SMARCA4: variants seen among roughly 807,000 people sequenced by gnomAD.
The protein encoded by SMARCA4 is SWI/SNF related BAF chromatin remodeling complex subunit ATPase 4, also known as SWI/SNF-related matrix-associated actin-dependent regulator of chromatin subfamily A member 4.
In SMARCA4, 31 loss-of-function variants were observed where a neutral mutation model predicts 193.9. The observed-to-expected ratio is 0.16, with a 90% CI of 0.12 to 0.22. The LOEUF is 0.22. Among genes scored for constraint, SMARCA4 ranks in the 10% least tolerant of loss-of-function variants. The probability of loss-of-function intolerance (pLI) is 1.00; values close to 1 mark genes in which losing one functional copy is unlikely to be tolerated. For missense variants in SMARCA4, 1,148 were observed against 2,296.0 expected (o/e 0.50, Z 10.22); for synonymous variants, 942 against 933.1 (o/e 1.01, Z -0.17).
intron 34 of SMARCA4, among the ~76,000 whole-genome samples, chr19:11,061,548 T>G (rs1254591089): frequency 3.3e-5 from 5 of 152,142 alleles, no homozygotes; most frequent in Admixed American, 3.3e-4. Flanking sequence ...GCTAATTTTT[T>G]GTATTTTTTA....
chr19:10,979,253 C>T (rs2085374698), intron 1 of SMARCA4, among the ~76,000 whole-genome samples: 1 of 152,046 alleles, frequency 6.6e-6, no homozygotes, highest in African/African-American at 2.4e-5. Context: ...CATTCTTGGA[C>T]ACCCAAGAAG....
intron 30 of SMARCA4, among the ~76,000 whole-genome samples, chr19:11,050,809 C>T: frequency 6.6e-6 from 1 of 152,236 alleles, no homozygotes; most frequent in African/African-American, 2.4e-5. Flanking sequence ...GGGAAGGGTG[C>T]AGGTGGAGGG....
chr19:11,022,172 G>C (rs898312652), intron 19 of SMARCA4, among the ~76,000 whole-genome samples: 1 of 152,224 alleles, frequency 6.6e-6, no homozygotes, highest in Non-Finnish European at 1.5e-5. Context: ...AGGTCATGGT[G>C]GTGAATCTCG....
intron 29 of SMARCA4, chr19:11,040,910 C>G (rs774854919): frequency 5.7e-6 from 1 of 175,006 alleles, no homozygotes; most frequent in East Asian, 1.6e-4. Flanking sequence ...CAGGTCGAGA[C>G]CCTGTCTCTA....
At position 11,041,916 on chromosome 19, in the gene SMARCA4, C is replaced by T. The variant is rs1239778133; in HGVS notation, c.4424+356C>T. Among the ~76,000 whole-genome samples, 1 of 152,088 alleles carries T rather than the reference C, an allele frequency of 6.6e-6. No individual in the cohort carries two copies. The highest frequency in any genetic ancestry group is 6.6e-5 in the Admixed American group (1 of 15,264). ...CGGAGAGGCTCTGCCAAAGTTGTGG[C>T]CTGGTGGCCTCAAGGGATGAGGTGG... On this transcript the variant is annotated intron_variant, in intron 30 of 34. Coordinates refer to ENST00000344626, the MANE Select transcript of SMARCA4 (RefSeq NM_003072.5). The surrounding 1 kb of genome is among the most constrained non-coding windows in gnomAD (Gnocchi z 5.6).
chr19:11,018,960 G>A lies in SMARCA4; in HGVS notation c.2442G>A (p.Thr814=), dbSNP rs759603031. ...GPFLIIVPLS[T]LSNWAYEFDK... is the part of the protein sequence containing the mutation. ...TCTCATTTCCTTGTTCCATCAGAAC[G>A]CTGTCCAACTGGGCGTACGAGTTTG... The change falls in exon 17 of 35, where the codon ACG becomes ACA. Residue 814 remains threonine (T), a synonymous_variant. Transcript: ENST00000344626. The A allele has an allele frequency of 2.0e-5, 33 of 1,613,522 alleles. No homozygotes were observed. Among genetic ancestry groups the A allele is most frequent in the Non-Finnish European group, 2.7e-5 (32 of 1,179,492 alleles).
rs553848593 is a variant in SMARCA4, at chr19:11,033,532, G to T, written c.3774+15G>T. On this transcript the variant is annotated intron_variant, in intron 26 of 34. Coordinates refer to ENST00000344626, the MANE Select transcript of SMARCA4 (RefSeq NM_003072.5). This position sits in a 1 kb window ranked among gnomAD's most constrained non-coding sequence, Gnocchi z 9.8. ...AGCAGGATGAGGTGAGCCCAGCACCGGCCCCGACCCCTCCCCAGCGTGAAT... is the reference window on the plus strand; with the variant it reads ...AGCAGGATGAGGTGAGCCCAGCACCTGCCCCGACCCCTCCCCAGCGTGAAT... 5 of 1,597,356 alleles carry T rather than the reference G, an allele frequency of 3.1e-6. No individual in the cohort carries two copies. Among genetic ancestry groups the T allele is most frequent in the Non-Finnish European group, 4.3e-6 (5 of 1,165,784 alleles).
At chr19:10,996,437 C>T (rs995774535) in intron 10 of SMARCA4, 57 bp downstream of exon 10, 15 of 1,613,102 alleles carry the variant, frequency 9.3e-6, no homozygotes, top group East Asian at 2.2e-5. Context: ...GCCGTCTTCA[C>T]GTGTGTGGCC....
At chr19:11,024,038 G>A (rs940714153) in intron 20 of SMARCA4, among the ~76,000 whole-genome samples, 4 of 152,194 alleles carry the variant, frequency 2.6e-5, no homozygotes, top group Admixed American at 6.5e-5. Context: ...GTCCCCGGCT[G>A]CAGTTGTCCC....
rs1299652683 is a variant in SMARCA4 at position 11,018,950 on chromosome 19, C to G, written c.2439-7C>G. 2 of 1,612,698 alleles carry G rather than the reference C, an allele frequency of 1.2e-6. No individual in the cohort carries two copies. The highest frequency in any genetic ancestry group is 1.3e-5 in the African/African-American group (1 of 74,926). ...GGCACTTGACTCTCATTTCCTTGTT[C>G]CATCAGAACGCTGTCCAACTGGGCG... On this transcript the variant is annotated splice_polypyrimidine_tract_variant and splice_region_variant and intron_variant, in intron 16 of 34. Coordinates refer to ENST00000344626, the MANE Select transcript of SMARCA4 (RefSeq NM_003072.5).
rs549254467 is a variant in SMARCA4, at chr19:10,987,747, C to T, written c.941C>T (p.Ala314Val). 1.1e-5 allele frequency: 17 copies of T among 1,600,954 alleles called. No homozygotes were observed. Among genetic ancestry groups the T allele is most frequent in the East Asian group, 9.0e-5 (4 of 44,278 alleles). Residue 314 changes from alanine to valine, a missense_variant, in exon 6 of 35, where the codon GCG becomes GTG. Transcript: ENST00000344626. This position sits in a 1 kb window ranked among gnomAD's most constrained non-coding sequence, Gnocchi z 5.3. ...CAGCCAACGGGCCGCCCTTCCCCCG[C>T]GCCCCCTGCCGTCCCACCCGCCGCC... ...PPQPTGRPSPAPPAVPPAASP... is the reference protein window; with the variant it reads ...PPQPTGRPSPVPPAVPPAASP...
chr19:10,970,959 G>A (rs1298636828), intron 1 of SMARCA4, among the ~76,000 whole-genome samples: 1 of 152,234 alleles, frequency 6.6e-6, no homozygotes, highest in Admixed American at 6.5e-5. Flanking sequence ...AGCATTTTGG[G>A]AGGCTGAGGC....
intron 29 of SMARCA4, among the ~76,000 whole-genome samples, chr19:11,039,212 G>A (rs541670242): frequency 6.6e-6 from 1 of 152,318 alleles, no homozygotes; most frequent in South Asian, 2.1e-4. Context: ...AAATTAGCCA[G>A]GCATGGTGGT....
chr19:11,017,449 G>A (rs146167736), intron 16 of SMARCA4, among the ~76,000 whole-genome samples: 5 of 152,362 alleles, frequency 3.3e-5, no homozygotes, highest in Non-Finnish European at 7.3e-5. Flanking sequence ...GCTGTGGAAC[G>A]CCAGCTCCTG....
chr19:11,046,955 A>C (rs1381103858), intron 30 of SMARCA4, among the ~76,000 whole-genome samples: 3 of 151,552 alleles, frequency 2.0e-5, no homozygotes, highest in Non-Finnish European at 3.0e-5. Flanking sequence ...TTGCAAAAAA[A>C]AAAAAAAAAA....
Position 10,991,135 on chromosome 19 carries a change from T to C in SMARCA4, c.1246-15T>C, listed in dbSNP as rs1329030177. 1 of 1,613,174 alleles carries C rather than the reference T, an allele frequency of 6.2e-7. No homozygotes were observed. Among genetic ancestry groups the C allele is most frequent in the Non-Finnish European group, 8.5e-7 (1 of 1,179,918 alleles). On this transcript the variant is annotated splice_polypyrimidine_tract_variant and intron_variant, in intron 7 of 34. Transcript: ENST00000344626. ...AGCTGTGCAGTGCGCGGGCTTGTCC[T>C]CTTCCCTCCTACAGCTGCGCCAGGA...
In SMARCA4 at chr19:11,019,047, CCT is replaced by C; in HGVS notation, c.2505+29_2505+30del. 4 of 1,594,996 alleles carry C rather than the reference CCT, an allele frequency of 2.5e-6. No individual in the cohort carries two copies. Among genetic ancestry groups the C allele is most frequent in the Non-Finnish European group, 3.4e-6 (4 of 1,162,624 alleles). On this transcript the variant is annotated intron_variant, in intron 17 of 34. Coordinates refer to ENST00000344626, the MANE Select transcript of SMARCA4 (RefSeq NM_003072.5). The surrounding 1 kb of genome is among the most constrained non-coding windows in gnomAD (Gnocchi z 6.1). ...AGGTAGGTCACAGCCACTGAGGTTT[CCT>C]CTCTTGCTACGGAGGTGCAGGCGGT...
At chr19:11,056,115 A>G (rs3786724) in intron 30 of SMARCA4, 8,958 of 152,308 alleles carry the variant, frequency 0.059, 355 homozygotes, top group East Asian at 0.15. Context: ...GGAGAACAGG[A>G]TGTGCCGGCT....
At position 11,061,914 on chromosome 19, in the gene SMARCA4, T is replaced by C. The variant is rs1053088564; in HGVS notation, c.*98T>C. The C allele has an allele frequency of 2.6e-6, 3 of 1,143,620 alleles. No individual in the cohort carries two copies. In the African/African-American group the frequency reaches 4.6e-5, roughly 17 times the overall value. 70.8% of individuals were successfully genotyped at this position (1,143,620 alleles called of 1,614,324 possible). A position where few individuals can be genotyped will look rare whatever the true frequency, so the allele number is the denominator to read the frequency against. On this transcript the variant is annotated 3_prime_UTR_variant, in exon 35 of 35. Transcript: ENST00000344626. ...GGTAGCAGCAGATGTAGTTTCAGACTTGGAGTAAAACTGTATAAACAAAAG... is the reference window on the plus strand; with the variant it reads ...GGTAGCAGCAGATGTAGTTTCAGACCTGGAGTAAAACTGTATAAACAAAAG...
Sources: gnomAD v4.1 joint callset for allele counts (sites outside exome capture counted in the v4.1 genomes callset) on GRCh38, gnomAD v4.1.1 for gene constraint, Gnocchi (gnomAD v3.1) non-coding constraint, MANE v1.5 for transcripts, NCBI Gene and HGNC (gene_info 2026-07-23, HGNC 2026-07-21) for gene names.